ERVH48-1: variants seen among roughly 807,000 people sequenced by gnomAD.
The protein encoded by ERVH48-1 is endogenous retrovirus group 48 member 1, envelope.
In ERVH48-1, 4 loss-of-function variants were observed where a neutral mutation model predicts 2.4. That is an observed-to-expected ratio of 1.68 (90% CI 0.83 to 3.84). The LOEUF is 3.84. ERVH48-1 is among the 30% of genes most tolerant of loss of function. The pLI is 0.01. For missense variants in ERVH48-1, 97 were observed against 43.4 expected, an observed-to-expected ratio of 2.23 and a Z score of -3.47; for synonymous variants, 32 against 15.5, an observed-to-expected ratio of 2.06 and a Z score of -2.49.
chr21:42,920,407 G>C (rs549229707), intron 1 of ERVH48-1, among the ~76,000 whole-genome samples: 1 of 152,150 alleles, frequency 6.6e-6, no homozygotes, highest in African/African-American at 2.4e-5. Flanking sequence ...AGTGAATGAT[G>C]GCAAGTTTCT....
At position 42,925,344 on chromosome 21, in the gene ERVH48-1, AC is replaced by A; in HGVS notation, c.-286+1del. 1 of 434,688 alleles carries A rather than the reference AC, an allele frequency of 2.3e-6. No homozygotes were observed. 26.9% of individuals were successfully genotyped at this position (434,688 alleles called of 1,614,324 possible). On this transcript the variant is annotated splice_donor_variant, in intron 1 of 1. Transcript: ENST00000447535. LOFTEE classifies it low-confidence loss of function (5UTR_SPLICE). ...TGTTAACCGGGCTCCCAGGAAACTT[AC>A]CAGTAGGCGAGATCAGTGACCGATG...
intron 1 of ERVH48-1, among the ~76,000 whole-genome samples, chr21:42,922,244 G>A (rs560170373): frequency 3.9e-5 from 6 of 152,158 alleles, no homozygotes; most frequent in African/African-American, 1.2e-4. Context: ...TCAAAACAGC[G>A]GGGTTAACCA....
At chr21:42,920,210 C>T (rs923385274) in intron 1 of ERVH48-1, among the ~76,000 whole-genome samples, 2 of 152,106 alleles carry the variant, frequency 1.3e-5, no homozygotes, top group African/African-American at 2.4e-5. Flanking sequence ...CTTGACATAC[C>T]GTGGTCCTTG....
At chr21:42,922,009 G>C (rs2058807372) in intron 1 of ERVH48-1, among the ~76,000 whole-genome samples, 1 of 152,216 alleles carries the variant, frequency 6.6e-6, no homozygotes, top group Admixed American at 6.5e-5. Context: ...CCTGGACTAA[G>C]TGGTAAGTTC....
Position 42,920,474 on chromosome 21 carries a change from T to C in ERVH48-1, c.-285-1183A>G, listed in dbSNP as rs149821572. Reference sequence around the variant, plus strand: ...GATGAGAGCATTCATGACAGGGGTGTTGTTTGCAGTTAGGAAACCCCCTTC... The same window carrying C: ...GATGAGAGCATTCATGACAGGGGTGCTGTTTGCAGTTAGGAAACCCCCTTC... On this transcript the variant is annotated intron_variant, in intron 1 of 1. Coordinates refer to ENST00000447535, the MANE Select transcript of ERVH48-1 (RefSeq NM_001308491.2). Among the ~76,000 whole-genome samples, 98 of 152,254 alleles carry C rather than the reference T, an allele frequency of 6.4e-4. 1 individual carries two copies. The highest frequency in any genetic ancestry group is 2.3e-3 in the African/African-American group (96 of 41,554).
In ERVH48-1 at chr21:42,925,451, G is replaced by A. The variant is rs757084328; in HGVS notation, c.-391C>T. On this transcript the variant is annotated 5_prime_UTR_variant, in exon 1 of 2. Coordinates refer to ENST00000447535, the MANE Select transcript of ERVH48-1 (RefSeq NM_001308491.2). ...GGCCTGCTTTCCCAGATGGAGGGGT[G>A]GTAGGTCCACTGGGGACGTGGACGG... 60 of 464,178 alleles carry A rather than the reference G, an allele frequency of 1.3e-4. 1 individual carries two copies. Among genetic ancestry groups the A allele is most frequent in the Non-Finnish European group, 2.3e-4 (58 of 250,146 alleles). 28.8% of individuals were successfully genotyped at this position (464,178 alleles called of 1,614,324 possible).
At position 42,917,187 on chromosome 21, in the gene ERVH48-1, G is replaced by A. The variant is rs187009361; in HGVS notation, c.*1337C>T. ...TAACTACTTCAGGCGTGACATAGGGGTGGCGTGGGCACCTTGGAAAAAGAA... is the reference window on the plus strand; with the variant it reads ...TAACTACTTCAGGCGTGACATAGGGATGGCGTGGGCACCTTGGAAAAAGAA... On this transcript the variant is annotated 3_prime_UTR_variant, in exon 2 of 2. Transcript: ENST00000447535. 1 of 152,342 alleles carries A rather than the reference G, an allele frequency of 6.6e-6. No homozygotes were observed. Among genetic ancestry groups the A allele is most frequent in the Non-Finnish European group, 1.5e-5 (1 of 68,040 alleles). The allele number at this position is 152,342 out of a possible 1,614,324, so 9.4% of individuals were successfully genotyped here.
Position 42,918,782 on chromosome 21 carries a change from T to A in ERVH48-1, c.225A>T (p.Leu75Phe), listed in dbSNP as rs2058796703. 8.8e-6 allele frequency: 4 copies of A among 456,756 alleles called. No individual in the cohort carries two copies. The highest frequency in any genetic ancestry group is 8.0e-5 in the African/African-American group (4 of 50,208). The allele number at this position is 456,756 out of a possible 1,614,324, so 28.3% of individuals were successfully genotyped here. ...THIERSCYGN[L>F]IEECVESGKS... The stretch of plus-strand genomic sequence containing the variant: ...TTCCTGATTCAACACATTCCTCGAT[T>A]AAGTTTCCATAACAGGATCTTTCTA... Residue 75 changes from leucine (L) to phenylalanine (F), a missense_variant, in exon 2 of 2, where the codon TTA (leucine) becomes TTT (phenylalanine). Transcript: ENST00000447535.
At chr21:42,921,090 G>A (rs2058804235) in intron 1 of ERVH48-1, among the ~76,000 whole-genome samples, 1 of 152,070 alleles carries the variant, frequency 6.6e-6, no homozygotes, top group African/African-American at 2.4e-5. Flanking sequence ...CGAGAACTGT[G>A]GTTTCGAGCT....
chr21:42,923,767 T>G (rs770446536), intron 1 of ERVH48-1, among the ~76,000 whole-genome samples: 4 of 152,152 alleles, frequency 2.6e-5, no homozygotes, highest in African/African-American at 9.7e-5. Flanking sequence ...TGTATCAGCA[T>G]GTGCCTGAGC....
At chr21:42,923,084 G>T (rs370871286) in intron 1 of ERVH48-1, among the ~76,000 whole-genome samples, 1 of 152,216 alleles carries the variant, frequency 6.6e-6, no homozygotes, top group Non-Finnish European at 1.5e-5. Flanking sequence ...GGATGGAGGC[G>T]GTCCTTGCAG....
chr21:42,923,647 A>G (rs2058813248), intron 1 of ERVH48-1, among the ~76,000 whole-genome samples: 1 of 152,172 alleles, frequency 6.6e-6, no homozygotes, highest in African/African-American at 2.4e-5. Flanking sequence ...ACACACAATC[A>G]TGTGGTCTCG....
At chr21:42,923,526 A>G (rs11203166) in intron 1 of ERVH48-1, among the ~76,000 whole-genome samples, 10,626 of 152,198 alleles carry the variant, frequency 0.07, 415 homozygotes, top group East Asian at 0.19. Context: ...CATGGCTTCC[A>G]TTAAACAAGA....
chr21:42,919,174 T>A lies in ERVH48-1; in HGVS notation c.-168A>T. The A allele has an allele frequency of 1.3e-6, 1 of 797,304 alleles. No individual in the cohort carries two copies. Among genetic ancestry groups the A allele is most frequent in the South Asian group, 1.8e-5 (1 of 54,834 alleles). 49.4% of individuals were successfully genotyped at this position (797,304 alleles called of 1,614,324 possible). ...CTTGACCCTGGTGCGATGGATCCAG[T>A]TGGGGAGTCCTCGGACTCTCACTGC... On this transcript the variant is annotated 5_prime_UTR_variant, in exon 2 of 2. Coordinates refer to ENST00000447535, the MANE Select transcript of ERVH48-1 (RefSeq NM_001308491.2).
At chr21:42,925,314 T>C in intron 1 of ERVH48-1, 32 bp downstream of exon 1, 3 of 390,412 alleles carry the variant, frequency 7.7e-6, no homozygotes, top group South Asian at 4.7e-5. Context: ...GTGCGGATTT[T>C]TCCCTGTTAA....
chr21:42,920,311 G>A (rs766713453), intron 1 of ERVH48-1, among the ~76,000 whole-genome samples: 28 of 152,140 alleles, frequency 1.8e-4, no homozygotes, highest in Non-Finnish European at 2.8e-4. Flanking sequence ...GGCCTTGCAC[G>A]GGTTGTAGGG....
chr21:42,922,594 G>A (rs1202841910), intron 1 of ERVH48-1, among the ~76,000 whole-genome samples: 2 of 151,914 alleles, frequency 1.3e-5, no homozygotes, highest in Non-Finnish European at 2.9e-5. Context: ...CAAAAATTTA[G>A]CTCGGCATAG....
At chr21:42,922,044 T>C (rs2058807464) in intron 1 of ERVH48-1, among the ~76,000 whole-genome samples, 1 of 152,048 alleles carries the variant, frequency 6.6e-6, no homozygotes, top group Admixed American at 6.6e-5. Context: ...ACAGGTAGAA[T>C]TGGTGTGTTT....
chr21:42,922,297 G>A (rs1211688226), intron 1 of ERVH48-1, among the ~76,000 whole-genome samples: 4 of 152,078 alleles, frequency 2.6e-5, no homozygotes, highest in African/African-American at 9.7e-5. Flanking sequence ...AGGGTGGGAG[G>A]TTGCAGGAGT....
Sources: allele counts gnomAD v4.1 joint callset (sites outside exome capture counted in the v4.1 genomes callset), GRCh38; gene constraint gnomAD v4.1.1; transcripts MANE v1.5; gene names NCBI Gene and HGNC (gene_info 2026-07-23, HGNC 2026-07-21).